The following C12orf42 variants were observed in gnomAD, a reference collection of about 807,000 sequenced individuals.
C12orf42 encodes chromosome 12 open reading frame 42.
Under a neutral mutation model 21.6 loss-of-function variants are expected in C12orf42, and 25 were observed. The observed-to-expected ratio is 1.16, with a 90% CI of 0.84 to 1.62. The LOEUF is 1.62. Ranked by LOEUF, C12orf42 falls within the 40% of genes most tolerant of loss-of-function variation. The pLI is 0.00. For synonymous variants in C12orf42, 174 were observed against 175.0 expected, an observed-to-expected ratio of 0.99 and a Z score of 0.05; for missense variants, 483 against 459.3, an observed-to-expected ratio of 1.05 and a Z score of -0.47.
the C12orf42 span, among the ~76,000 whole-genome samples, chr12:103,214,655 T>C: frequency 6.6e-6 from 1 of 152,208 alleles, no homozygotes; most frequent in East Asian, 1.9e-4. Flanking sequence ...GAAGATATTT[T>C]AGGGGGAAAC....
At chr12:103,255,867 C>T (rs1264971659) in intron 10 of C12orf42, among the ~76,000 whole-genome samples, 12 of 150,152 alleles carry the variant, frequency 8.0e-5, no homozygotes, top group Non-Finnish European at 7.4e-5. Context: ...CTGGCTAACA[C>T]GGTGAAACCC....
chr12:103,330,927 C>T (rs987162480), intron 4 of C12orf42, among the ~76,000 whole-genome samples: 1 of 152,166 alleles, frequency 6.6e-6, no homozygotes, highest in Non-Finnish European at 1.5e-5. Flanking sequence ...AAATATTTAT[C>T]TTACAAAAGT....
At chr12:103,437,686 T>C (rs1019906761) in intron 2 of C12orf42, among the ~76,000 whole-genome samples, 3 of 150,792 alleles carry the variant, frequency 2.0e-5, no homozygotes, top group East Asian at 2.0e-4. Context: ...ACACATACAC[T>C]CTCCCAAAAC....
chr12:103,250,247 G>C (rs771167678), intron 10 of C12orf42, among the ~76,000 whole-genome samples: 3 of 151,916 alleles, frequency 2.0e-5, no homozygotes, highest in Non-Finnish European at 4.4e-5. Flanking sequence ...CTTAATTGGG[G>C]GTTCCAATTA....
the C12orf42 span, among the ~76,000 whole-genome samples, chr12:103,132,939 C>T: frequency 6.6e-6 from 1 of 152,196 alleles, no homozygotes; most frequent in African/African-American, 2.4e-5. Flanking sequence ...AGCATTTAGC[C>T]TTGGGCCTGA....
chr12:103,526,759 A>C, the C12orf42 span, among the ~76,000 whole-genome samples: 1 of 152,246 alleles, frequency 6.6e-6, no homozygotes, highest in Non-Finnish European at 1.5e-5. Flanking sequence ...TAACAAGGCA[A>C]GAAAAAGAGC....
the C12orf42 span, among the ~76,000 whole-genome samples, chr12:103,129,601 C>T: frequency 6.6e-6 from 1 of 152,162 alleles, no homozygotes; most frequent in Non-Finnish European, 1.5e-5. Context: ...TTTATAACTT[C>T]ACTCAAAATT....
At chr12:103,063,281 AAG>A in the C12orf42 span, among the ~76,000 whole-genome samples, 2 of 152,198 alleles carry the variant, frequency 1.3e-5, no homozygotes, top group Non-Finnish European at 2.9e-5. Flanking sequence ...CCTGTAGAGA[AAG>A]AGCTGAAATT....
chr12:103,179,621 A>G, the C12orf42 span, among the ~76,000 whole-genome samples: 1 of 152,202 alleles, frequency 6.6e-6, no homozygotes, highest in South Asian at 2.1e-4. Flanking sequence ...ATTTTAAAGC[A>G]TCTGTACTTT....
Position 103,335,830 on chromosome 12 carries a change from G to C in C12orf42, c.260-29485C>G, listed in dbSNP as rs146930662. ...GAGCAGAGGGGTGCTGATTTAATGA[G>C]ACAGCCAAGAAGAATCTCACAAGCA... On this transcript the variant is annotated intron_variant, in intron 4 of 5. Coordinates refer to ENST00000548883, the MANE Select transcript of C12orf42 (RefSeq NM_198521.5). Among the ~76,000 whole-genome samples, 95 of 152,290 alleles carry C rather than the reference G, an allele frequency of 6.2e-4. 1 individual carries two copies. In the East Asian group the frequency reaches 0.017, roughly 28 times the overall value.
chr12:103,453,905 T>A (rs1162393995), intron 2 of C12orf42, among the ~76,000 whole-genome samples: 2 of 152,074 alleles, frequency 1.3e-5, no homozygotes, highest in African/African-American at 4.8e-5. Context: ...ACTCCTTTAC[T>A]CAACATAAGC....
At chr12:103,452,150 G>C (rs981393681) in intron 2 of C12orf42, among the ~76,000 whole-genome samples, 1 of 151,922 alleles carries the variant, frequency 6.6e-6, no homozygotes, top group Non-Finnish European at 1.5e-5. Flanking sequence ...GTCCTTACTC[G>C]CCTGACCAGC....
intron 4 of C12orf42, among the ~76,000 whole-genome samples, chr12:103,295,865 AT>A (rs934594327): frequency 2.0e-5 from 3 of 151,610 alleles, no homozygotes; most frequent in Non-Finnish European, 4.4e-5. Flanking sequence ...ATTTTTTTAA[AT>A]TTTTTTTTAA....
chr12:103,088,126 C>G, the C12orf42 span, among the ~76,000 whole-genome samples: 1 of 152,128 alleles, frequency 6.6e-6, no homozygotes, highest in Admixed American at 6.5e-5. Flanking sequence ...CAAATTTTTC[C>G]TAAAGATAAA....
chr12:103,520,805 C>T, the C12orf42 span, among the ~76,000 whole-genome samples: 1 of 152,210 alleles, frequency 6.6e-6, no homozygotes, highest in Non-Finnish European at 1.5e-5. Flanking sequence ...AGTCCAGACA[C>T]TCATCTGTCT....
At chr12:103,561,814 C>T in the C12orf42 span, among the ~76,000 whole-genome samples, 4 of 152,110 alleles carry the variant, frequency 2.6e-5, no homozygotes, top group East Asian at 1.9e-4. Context: ...TCCTCTCTGC[C>T]GATATTACTA....
At chr12:103,089,472 C>T in the C12orf42 span, among the ~76,000 whole-genome samples, 1 of 152,180 alleles carries the variant, frequency 6.6e-6, no homozygotes, top group Non-Finnish European at 1.5e-5. Flanking sequence ...GGCGTATCTT[C>T]TTCTGATTCA....
the C12orf42 span, among the ~76,000 whole-genome samples, chr12:103,118,772 TAAAAAAAAAAAAAA>T: frequency 0.023 from 972 of 41,694 alleles, 15 homozygotes; most frequent in Admixed American, 0.037. Flanking sequence ...CACTCCAGCC[TAAAAAAAAAAAAAA>T]AAAAAAAAAA....
chr12:103,422,715 G>A (rs182199998), intron 2 of C12orf42, among the ~76,000 whole-genome samples: 72 of 152,158 alleles, frequency 4.7e-4, no homozygotes, highest in Admixed American at 4.0e-3. Flanking sequence ...TGCACTAGCA[G>A]GTGGGTATCT....
Sources: allele counts gnomAD v4.1 joint callset (sites outside exome capture counted in the v4.1 genomes callset), GRCh38; gene constraint gnomAD v4.1.1; transcripts MANE v1.5; gene names NCBI Gene and HGNC (gene_info 2026-07-23, HGNC 2026-07-21).